Variants in ZRANB3 observed in about 807,000 individuals in gnomAD.
ZRANB3 encodes the protein zinc finger RANBP2-type containing 3.
A neutral mutation model predicts 133.8 loss-of-function variants in ZRANB3; 125 were observed. The ratio of observed to expected loss-of-function variants is 0.93; its 90% confidence interval spans 0.81 to 1.08. The LOEUF is 1.08. Among genes scored for constraint, ZRANB3 ranks in the 50% least tolerant of loss-of-function variants. The probability of loss-of-function intolerance (pLI) is 0.00; values close to 1 mark genes in which losing one functional copy is unlikely to be tolerated. For synonymous variants in ZRANB3, 387 were observed against 432.7 expected (o/e 0.89, Z 1.31); for missense variants, 1,229 against 1,275.5 (o/e 0.96, Z 0.56).
At chr2:135,392,367 C>A (rs1202774364) in intron 2 of ZRANB3, among the ~76,000 whole-genome samples, 38 of 101,072 alleles carry the variant, frequency 3.8e-4, no homozygotes, top group East Asian at 8.6e-4. Context: ...GGGGGGGGGG[C>A]AGGAAAAAAA....
chr2:135,231,729 AG>A (rs996362880), intron 12 of ZRANB3, among the ~76,000 whole-genome samples: 2 of 152,144 alleles, frequency 1.3e-5, no homozygotes, highest in African/African-American at 4.8e-5. Context: ...TTGAGGCTAC[AG>A]TGAGCTGTGA....
At chr2:135,494,445 T>C (rs1288345209) in intron 2 of ZRANB3, among the ~76,000 whole-genome samples, 1 of 151,876 alleles carries the variant, frequency 6.6e-6, no homozygotes, top group Non-Finnish European at 1.5e-5. Context: ...AATTAATAAA[T>C]CATTTTACAG....
intron 2 of ZRANB3, among the ~76,000 whole-genome samples, chr2:135,469,706 T>A (rs903764404): frequency 5.9e-5 from 9 of 152,010 alleles, no homozygotes; most frequent in Admixed American, 1.3e-4. Flanking sequence ...TTGGATAATA[T>A]AATAAATACA....
intron 3 of ZRANB3, among the ~76,000 whole-genome samples, chr2:135,356,896 C>A (rs1685462314): frequency 6.6e-6 from 1 of 151,882 alleles, no homozygotes; most frequent in African/African-American, 2.4e-5. Flanking sequence ...TTTGGGCAGG[C>A]TGGTCTCGAA....
chr2:135,386,067 G>A (rs1409547777), intron 3 of ZRANB3, among the ~76,000 whole-genome samples: 2 of 152,114 alleles, frequency 1.3e-5, no homozygotes, highest in East Asian at 1.9e-4. Flanking sequence ...CATACAGAAT[G>A]GGAGAAAATT....
Position 135,458,099 on chromosome 2 carries a change from C to T in ZRANB3, c.161+46230G>A, listed in dbSNP as rs1029275637. Among the ~76,000 whole-genome samples, 40 of 152,126 alleles carry T rather than the reference C, an allele frequency of 2.6e-4. 1 individual carries two copies. Among genetic ancestry groups the T allele is most frequent in the Middle Eastern group, 3.4e-3 (1 of 294 alleles). On this transcript the variant is annotated intron_variant, in intron 2 of 20. Transcript: ENST00000264159. The stretch of plus-strand genomic sequence containing the variant: ...TAGTGTAAAGTAGGGGTTTATACTT[C>T]GTACTTTTGTATGTGAGTTAACTAT...
At chr2:135,290,434 C>T (rs530752505) in intron 8 of ZRANB3, among the ~76,000 whole-genome samples, 4 of 152,252 alleles carry the variant, frequency 2.6e-5, no homozygotes, top group African/African-American at 7.2e-5. Flanking sequence ...CTTTTGGTGT[C>T]CATTTACATG....
At position 135,399,247 on chromosome 2, in the gene ZRANB3, C is replaced by T. The variant is rs527485735; in HGVS notation, c.162-8427G>A. On this transcript the variant is annotated intron_variant, in intron 2 of 20. Transcript: ENST00000264159. ...GAGAAGCAACCTCTGGACCTGCTTT[C>T]TTATGTATCCTTCTAGAAGTCTATG... 1.9e-4 allele frequency among the ~76,000 whole-genome samples: 29 copies of T among 152,248 alleles called. No individual in the cohort carries two copies. In the South Asian group the frequency reaches 6.0e-3, roughly 32 times the overall value.
intron 13 of ZRANB3, 27 bp from the exon 14 acceptor site, chr2:135,228,042 A>ATTTT: frequency 1.4e-6 from 2 of 1,457,292 alleles, no homozygotes; most frequent in Non-Finnish European, 1.8e-6. Flanking sequence ...TATTACAAAA[A>ATTTT]TGTAATAATT....
At chr2:135,237,805 G>T (rs532600815) in intron 12 of ZRANB3, among the ~76,000 whole-genome samples, 2 of 152,066 alleles carry the variant, frequency 1.3e-5, no homozygotes, top group South Asian at 2.1e-4. Flanking sequence ...GTGGGGGAAG[G>T]GGGGAGGGAT....
intron 2 of ZRANB3, among the ~76,000 whole-genome samples, chr2:135,453,445 A>T (rs139275074): frequency 0.01 from 1,575 of 152,318 alleles, 25 homozygotes; most frequent in African/African-American, 0.036. Flanking sequence ...TCAGGCTGCA[A>T]ATTTTCCAAA....
chr2:135,511,069 TC>T, intron 1 of ZRANB3: 1 of 772,510 alleles, frequency 1.3e-6, no homozygotes, highest in East Asian at 2.4e-5. Flanking sequence ...TGTGGTGGAA[TC>T]TGAGATTCAG....
At chr2:135,325,321 A>G (rs2104839289) in intron 6 of ZRANB3, among the ~76,000 whole-genome samples, 1 of 152,328 alleles carries the variant, frequency 6.6e-6, no homozygotes, top group Admixed American at 6.5e-5. Context: ...TGAGAAGGAA[A>G]AAATTTATCC....
At chr2:135,347,294 CTT>C (rs371254079) in intron 5 of ZRANB3, among the ~76,000 whole-genome samples, 9 of 137,316 alleles carry the variant, frequency 6.6e-5, no homozygotes, top group Admixed American at 2.2e-4. Context: ...TTTCAGTTCT[CTT>C]TTTTTTTTTT....
chr2:135,265,547 G>A lies in ZRANB3; in HGVS notation c.1526C>T (p.Ala509Val), dbSNP rs376332472. The A allele has an allele frequency of 3.1e-6, 5 of 1,612,722 alleles. No individual in the cohort carries two copies. Among genetic ancestry groups the A allele is most frequent in the Middle Eastern group, 1.6e-4 (1 of 6,082 alleles). ...NDSSEELRKE[A>V]LFTHFEKEKQ... ...ATATAATCTTACGTGAGTGAACAAA[G>A]CTTCCTTCCTTAACTCTTCAGAACT... is the stretch of plus-strand genomic sequence containing the variant. Residue 509 changes from alanine (A) to valine (V), a missense_variant, in exon 12 of 21, where the codon GCT (alanine) becomes GTT (valine). Transcript: ENST00000264159.
At chr2:135,426,609 C>T (rs1689080100) in intron 2 of ZRANB3, among the ~76,000 whole-genome samples, 1 of 151,306 alleles carries the variant, frequency 6.6e-6, no homozygotes, top group African/African-American at 2.4e-5. Context: ...GCGGGCGGAT[C>T]ACGAGGTCAG....
At chr2:135,360,966 T>C (rs538630339) in intron 3 of ZRANB3, among the ~76,000 whole-genome samples, 1 of 151,924 alleles carries the variant, frequency 6.6e-6, no homozygotes, top group South Asian at 2.1e-4. Context: ...TTTGTAGAGA[T>C]GGGGGGGTCT....
rs112574367 is a variant in ZRANB3, at chr2:135,221,806, C to T, written c.2250+2620G>A. 1.0e-3 allele frequency among the ~76,000 whole-genome samples: 156 copies of T among 152,298 alleles called. 1 individual carries two copies. Among genetic ancestry groups the T allele is most frequent in the African/African-American group, 3.6e-3 (151 of 41,562 alleles). ...CATGTCAGAGGCTCCACTTGGTAGACCAGGCTCCAAACCTATAAGAGGAGC... is the reference window on the plus strand; with the variant it reads ...CATGTCAGAGGCTCCACTTGGTAGATCAGGCTCCAAACCTATAAGAGGAGC... On this transcript the variant is annotated intron_variant, in intron 15 of 20. Transcript: ENST00000264159.
intron 2 of ZRANB3, among the ~76,000 whole-genome samples, chr2:135,478,073 C>T (rs1032116186): frequency 6.6e-6 from 1 of 152,100 alleles, no homozygotes; most frequent in South Asian, 2.1e-4. Context: ...AACAAACACA[C>T]CCAATTTTTT....
Sources: allele counts gnomAD v4.1 joint callset (sites outside exome capture counted in the v4.1 genomes callset), GRCh38; gene constraint gnomAD v4.1.1; transcripts MANE v1.5; gene names NCBI Gene and HGNC (gene_info 2026-07-23, HGNC 2026-07-21).